The following PCDH9 variants were observed in gnomAD, a reference collection of about 807,000 sequenced individuals.
The protein encoded by PCDH9 is protocadherin 9.
Under a neutral mutation model 70.6 loss-of-function variants are expected in PCDH9, and 24 were observed. That is an observed-to-expected ratio of 0.34 (90% confidence interval 0.25 to 0.48). The LOEUF (loss-of-function observed/expected upper bound fraction) is 0.48, where lower values mean the gene tolerates loss of function less well. PCDH9 is among the 20% of genes least tolerant of loss of function. PCDH9 has a pLI of 0.99. For synonymous variants in PCDH9, 562 were observed against 558.5 expected, an observed-to-expected ratio of 1.01 and a Z score of -0.09; for missense variants, 1,281 against 1,503.6, an observed-to-expected ratio of 0.85 and a Z score of 2.45.
intron 4 of PCDH9, among the ~76,000 whole-genome samples, chr13:66,532,440 A>T (rs1247587930): frequency 6.6e-6 from 1 of 152,232 alleles, no homozygotes; most frequent in Non-Finnish European, 1.5e-5. Flanking sequence ...GACACTAAAA[A>T]TGAACTGTAA....
intron 3 of PCDH9, among the ~76,000 whole-genome samples, chr13:66,870,246 T>C (rs1003964230): frequency 6.6e-6 from 1 of 152,154 alleles, no homozygotes; most frequent in Non-Finnish European, 1.5e-5. Context: ...TATGCGGTGT[T>C]ATTTCTGAGG....
intron 4 of PCDH9, among the ~76,000 whole-genome samples, chr13:66,600,251 A>C (rs984979520): frequency 6.6e-6 from 1 of 151,934 alleles, no homozygotes; most frequent in African/African-American, 2.4e-5. Context: ...ATTCAACATC[A>C]AATGTAAAAA....
chr13:66,539,429 T>C (rs1398340782), intron 4 of PCDH9, among the ~76,000 whole-genome samples: 1 of 152,124 alleles, frequency 6.6e-6, no homozygotes, highest in South Asian at 2.1e-4. Context: ...TGAGTTCTCA[T>C]GAGATCTGAT....
chr13:66,963,228 C>A (rs959023299), intron 2 of PCDH9, among the ~76,000 whole-genome samples: 3 of 152,138 alleles, frequency 2.0e-5, no homozygotes, highest in Non-Finnish European at 2.9e-5. Context: ...CGGCCCTGGG[C>A]CCCTAATAGG....
chr13:66,390,490 C>T (rs920368847), intron 4 of PCDH9, among the ~76,000 whole-genome samples: 2 of 152,082 alleles, frequency 1.3e-5, no homozygotes, highest in Non-Finnish European at 2.9e-5. Flanking sequence ...AATCTCAGCA[C>T]TTTAGGAGGC....
In PCDH9 at chr13:66,303,431, A is replaced by G. The variant is rs1262280057; in HGVS notation, c.*1224T>C. On this transcript the variant is annotated 3_prime_UTR_variant, in exon 5 of 5. Transcript: ENST00000377865. ...ATTTATCCCTTTATTTCCCCCAACT[A>G]CCCTACCTGGAGAATGTTCTGTTAC... The G allele has an allele frequency of 6.6e-6, 1 of 152,414 alleles. No homozygotes were observed. Among genetic ancestry groups the G allele is most frequent in the Admixed American group, 6.6e-5 (1 of 15,218 alleles). The allele number at this position is 152,414 out of a possible 1,614,324, so 9.4% of individuals were successfully genotyped here. A position where few individuals can be genotyped will look rare whatever the true frequency, so the allele number is the denominator to read the frequency against.
At chr13:66,438,660 A>G (rs1957920899) in intron 4 of PCDH9, among the ~76,000 whole-genome samples, 1 of 152,168 alleles carries the variant, frequency 6.6e-6, no homozygotes, top group Non-Finnish European at 1.5e-5. Context: ...GGCAGGCCCA[A>G]CCCATACAAG....
chr13:66,678,307 G>T (rs2139053397), intron 3 of PCDH9, among the ~76,000 whole-genome samples: 1 of 152,076 alleles, frequency 6.6e-6, no homozygotes, highest in East Asian at 1.9e-4. Flanking sequence ...AGTAAATCAT[G>T]TGATTTTAAG....
At chr13:66,733,370 A>T (rs2079101850) in intron 3 of PCDH9, among the ~76,000 whole-genome samples, 1 of 152,064 alleles carries the variant, frequency 6.6e-6, no homozygotes, top group Non-Finnish European at 1.5e-5. Context: ...CTACTCAATC[A>T]CCTTTAGTTA....
At chr13:66,776,127 C>A (rs567466266) in intron 3 of PCDH9, among the ~76,000 whole-genome samples, 26 of 152,000 alleles carry the variant, frequency 1.7e-4, no homozygotes, top group Non-Finnish European at 2.9e-4. Context: ...TGGGACGTAT[C>A]TCAAAATAAT....
intron 3 of PCDH9, among the ~76,000 whole-genome samples, chr13:66,632,883 G>C (rs1468773927): frequency 1.3e-5 from 2 of 151,792 alleles, no homozygotes; most frequent in Admixed American, 6.6e-5. Context: ...TAATATACAA[G>C]TATATAATGT....
At chr13:66,771,003 T>C (rs888638348) in intron 3 of PCDH9, among the ~76,000 whole-genome samples, 1 of 152,238 alleles carries the variant, frequency 6.6e-6, no homozygotes, top group African/African-American at 2.4e-5. Flanking sequence ...TTTTGGTACA[T>C]CTACTGTGTT....
chr13:67,058,137 T>C (rs1282933415), intron 2 of PCDH9, among the ~76,000 whole-genome samples: 3 of 152,172 alleles, frequency 2.0e-5, no homozygotes, highest in African/African-American at 7.2e-5. Flanking sequence ...GTTTGCTATG[T>C]TATTGGAAAA....
At chr13:66,721,500 G>C (rs2078940964) in intron 3 of PCDH9, among the ~76,000 whole-genome samples, 1 of 151,900 alleles carries the variant, frequency 6.6e-6, no homozygotes, top group Non-Finnish European at 1.5e-5. Context: ...AATTATAAAA[G>C]CTTTCTGAGT....
At chr13:66,896,597 TA>T (rs766462323) in intron 3 of PCDH9, among the ~76,000 whole-genome samples, 39 of 152,206 alleles carry the variant, frequency 2.6e-4, no homozygotes, top group Non-Finnish European at 4.6e-4. Flanking sequence ...AATGTATCTG[TA>T]AATATGCATA....
chr13:66,663,883 C>T (rs1167251994), intron 3 of PCDH9, among the ~76,000 whole-genome samples: 1 of 152,196 alleles, frequency 6.6e-6, no homozygotes, highest in African/African-American at 2.4e-5. Context: ...AGGCCAGGCT[C>T]TCATCTTCCT....
At chr13:66,407,261 A>G (rs1278287201) in intron 4 of PCDH9, among the ~76,000 whole-genome samples, 1 of 152,242 alleles carries the variant, frequency 6.6e-6, no homozygotes, top group African/African-American at 2.4e-5. Context: ...CTGAGAGAGA[A>G]GAAAATGTTC....
chr13:66,879,728 T>C (rs2081889687), intron 3 of PCDH9, among the ~76,000 whole-genome samples: 1 of 151,940 alleles, frequency 6.6e-6, no homozygotes, highest in South Asian at 2.1e-4. Context: ...TGTAGAGATA[T>C]GAAAAAAAAT....
Position 66,800,775 on chromosome 13 carries a change from GT to G in PCDH9, c.3138+102728del, listed in dbSNP as rs539169063. Among the ~76,000 whole-genome samples, 931 of 151,624 alleles carry G rather than the reference GT, an allele frequency of 6.1e-3. 7 individuals are homozygous for G. Among genetic ancestry groups the G allele is most frequent in the Non-Finnish European group, 9.3e-3 (632 of 67,872 alleles). On this transcript the variant is annotated intron_variant, in intron 3 of 4. Coordinates refer to ENST00000377865, the MANE Select transcript of PCDH9 (RefSeq NM_203487.3). ...TTTATATCACAATATAAGTCAAATT[GT>G]TTTTTTTACAAACATATTTAACAAT...
Sources: allele counts gnomAD v4.1 joint callset (sites outside exome capture counted in the v4.1 genomes callset), GRCh38; gene constraint gnomAD v4.1.1; transcripts MANE v1.5; gene names NCBI Gene and HGNC (gene_info 2026-07-23, HGNC 2026-07-21).